The following ELF1 variants were observed in gnomAD, a reference collection of about 807,000 sequenced individuals.
ELF1 encodes E74 like ETS transcription factor 1.
ELF1 carries 24 observed loss-of-function variants against 59.9 expected under a neutral mutation model. The observed-to-expected ratio is 0.40, with a 90% confidence interval of 0.29 to 0.56. The LOEUF is 0.56. Among genes scored for constraint, ELF1 ranks in the 20% least tolerant of loss-of-function variants. The pLI, the probability that ELF1 is intolerant of heterozygous loss-of-function variation, is 0.44. For missense variants in ELF1, 627 were observed against 742.2 expected (o/e 0.84, Z 1.80); for synonymous variants, 248 against 266.2 (o/e 0.93, Z 0.67).
chr13:41,038,216 G>T (rs1418518946), intron 1 of ELF1, among the ~76,000 whole-genome samples: 1 of 152,120 alleles, frequency 6.6e-6, no homozygotes, highest in Admixed American at 6.5e-5. Context: ...CAGGCCAGGT[G>T]AGGTGGCTCA....
In ELF1 at chr13:40,941,102, C is replaced by T; in HGVS notation, c.1075G>A (p.Val359Met). The change falls in exon 8 of 9, where the codon GTG becomes ATG. Residue 359 changes from valine to methionine, a missense_variant. Val to Met is a conservative substitution (Grantham distance 21). Coordinates refer to ENST00000239882, the MANE Select transcript of ELF1 (RefSeq NM_172373.4). ...NSKAAKPKDP[V>M]EVAQPSEVLR... Reference sequence around the variant, plus strand: ...ACTTCTGATGGTTGTGCAACTTCCACAGGATCTTTGGGTTTTGCAGCTTTA... The same window carrying T: ...ACTTCTGATGGTTGTGCAACTTCCATAGGATCTTTGGGTTTTGCAGCTTTA... 6.2e-7 allele frequency: 1 copy of T among 1,614,200 alleles called. No homozygotes were observed. The highest frequency in any genetic ancestry group is 8.5e-7 in the Non-Finnish European group (1 of 1,180,042).
intron 3 of ELF1, among the ~76,000 whole-genome samples, chr13:40,955,202 C>T (rs2138178573): frequency 6.7e-6 from 1 of 150,006 alleles, no homozygotes; most frequent in South Asian, 2.1e-4. Flanking sequence ...TGAGGAGCCC[C>T]TCCGCCCGGC....
At chr13:41,040,839 A>G (rs1157852005) in intron 1 of ELF1, among the ~76,000 whole-genome samples, 1 of 152,130 alleles carries the variant, frequency 6.6e-6, no homozygotes, top group Non-Finnish European at 1.5e-5. Flanking sequence ...GGCTAGTAAG[A>G]TTTCTATGAC....
upstream of ELF1, chr13:41,019,399 G>A (rs1035578057): frequency 1.0e-6 from 1 of 985,208 alleles, no homozygotes; most frequent in African/African-American, 1.7e-5. Context: ...TGTTGCTGTG[G>A]ACCCAATTAT....
chr13:41,020,536 C>T (rs920495232), upstream of ELF1, among the ~76,000 whole-genome samples: 2 of 152,190 alleles, frequency 1.3e-5, no homozygotes, highest in African/African-American at 4.8e-5. Flanking sequence ...TGATTGTGAA[C>T]CAACTTTCTG....
intron 1 of ELF1, among the ~76,000 whole-genome samples, chr13:41,005,651 A>G (rs938505539): frequency 1.3e-5 from 2 of 151,946 alleles, no homozygotes; most frequent in African/African-American, 4.8e-5. Context: ...TATATCCCAA[A>G]CTTGGCTCAT....
intron 1 of ELF1, among the ~76,000 whole-genome samples, chr13:41,059,838 C>G (rs1877432756): frequency 6.6e-6 from 1 of 152,180 alleles, no homozygotes; most frequent in African/African-American, 2.4e-5. Context: ...CAAGCCCCAC[C>G]TCCACCCCAG....
Position 41,024,484 on chromosome 13 carries a change from G to A in ELF1, c.-229+36354C>T, listed in dbSNP as rs147009146. On this transcript the variant is annotated intron_variant, in intron 1 of 1. Transcript: ENST00000405737. The stretch of plus-strand genomic sequence containing the variant: ...GACTACAGGCATGCACCACAATGTG[G>A]TTATTTTTTGTATTTTTTTGTATTT... 1.5e-3 allele frequency among the ~76,000 whole-genome samples: 232 copies of A among 152,118 alleles called. 1 individual carries two copies. Among genetic ancestry groups the A allele is most frequent in the African/African-American group, 5.4e-3 (224 of 41,518 alleles).
intron 1 of ELF1, among the ~76,000 whole-genome samples, chr13:41,051,224 A>G (rs1877075265): frequency 6.6e-6 from 1 of 152,108 alleles, no homozygotes; most frequent in Non-Finnish European, 1.5e-5. Flanking sequence ...AAAGGGAAAA[A>G]AAAACAAATG....
At chr13:41,055,301 C>T (rs1383698779) in intron 1 of ELF1, among the ~76,000 whole-genome samples, 1 of 151,906 alleles carries the variant, frequency 6.6e-6, no homozygotes, top group Non-Finnish European at 1.5e-5. Context: ...CATTCCTATC[C>T]TACCTGCACC....
At chr13:40,935,264 A>C (rs1416601214) in intron 8 of ELF1, among the ~76,000 whole-genome samples, 2 of 152,210 alleles carry the variant, frequency 1.3e-5, no homozygotes, top group East Asian at 3.8e-4. Flanking sequence ...CTGGATGTCA[A>C]CTGTTTCCTT....
intron 5 of ELF1, among the ~76,000 whole-genome samples, chr13:40,945,405 C>T (rs947400802): frequency 1.3e-5 from 2 of 152,082 alleles, no homozygotes; most frequent in African/African-American, 4.8e-5. Flanking sequence ...TCTAATTCTT[C>T]CAGCCTCTCC....
intron 2 of ELF1, among the ~76,000 whole-genome samples, chr13:40,962,900 T>C (rs530207925): frequency 1.3e-5 from 2 of 152,290 alleles, no homozygotes; most frequent in African/African-American, 4.8e-5. Flanking sequence ...ATATTTTGAA[T>C]TCATGGATTC....
At chr13:41,054,945 G>A (rs979262265) in intron 1 of ELF1, among the ~76,000 whole-genome samples, 1 of 152,110 alleles carries the variant, frequency 6.6e-6, no homozygotes, top group East Asian at 1.9e-4. Context: ...CTTGTCAAGG[G>A]GCTTCGTAAA....
intron 3 of ELF1, 109 bp from the exon 4 acceptor site, chr13:40,951,545 TTATATA>T (rs374353098): frequency 2.9e-6 from 2 of 697,554 alleles, no homozygotes; most frequent in Admixed American, 3.0e-5. Context: ...ATATTTTAGT[TTATATA>T]TATATATAAA....
intron 1 of ELF1, among the ~76,000 whole-genome samples, chr13:40,996,298 G>A (rs1874124209): frequency 6.6e-6 from 1 of 152,210 alleles, no homozygotes; most frequent in Non-Finnish European, 1.5e-5. Context: ...CCATAGAGCT[G>A]TGCTCCTTGG....
intron 1 of ELF1, among the ~76,000 whole-genome samples, chr13:41,025,331 C>T (rs1234298892): frequency 6.6e-6 from 1 of 152,202 alleles, no homozygotes; most frequent in East Asian, 1.9e-4. Context: ...ATTTCAATGC[C>T]TCCTCTACAG....
intron 1 of ELF1, among the ~76,000 whole-genome samples, chr13:41,047,665 C>T (rs1180158803): frequency 6.6e-6 from 1 of 152,204 alleles, no homozygotes; most frequent in Non-Finnish European, 1.5e-5. Flanking sequence ...GGTACCTGGC[C>T]GTGTGAGGTG....
chr13:40,991,417 A>G (rs1236654193), intron 1 of ELF1, among the ~76,000 whole-genome samples: 1 of 152,182 alleles, frequency 6.6e-6, no homozygotes, highest in Non-Finnish European at 1.5e-5. Context: ...ACACATTACT[A>G]TTTTAAATTT....
Sources: allele counts gnomAD v4.1 joint callset (sites outside exome capture counted in the v4.1 genomes callset), GRCh38; gene constraint gnomAD v4.1.1; transcripts MANE v1.5; gene names NCBI Gene and HGNC (gene_info 2026-07-23, HGNC 2026-07-21).